GPR89A: variants seen among roughly 807,000 people sequenced by gnomAD.
GPR89A encodes golgi pH regulator A.
Under a neutral mutation model 52.0 loss-of-function variants are expected in GPR89A, and 16 were observed. That is an observed-to-expected ratio of 0.31 (90% CI 0.21 to 0.47). The LOEUF is 0.47. Among genes scored for constraint, GPR89A ranks in the 20% least tolerant of loss-of-function variants. GPR89A has a pLI of 1.00. For missense variants in GPR89A, 135 were observed against 449.4 expected, an observed-to-expected ratio of 0.30 and a Z score of 6.33; for synonymous variants, 55 against 150.9, an observed-to-expected ratio of 0.36 and a Z score of 4.66.
intron 1 of GPR89A, among the ~76,000 whole-genome samples, chr1:145,615,728 C>T (rs1366005173): frequency 1.4e-5 from 2 of 145,226 alleles, no homozygotes; most frequent in Admixed American, 1.4e-4. Context: ...CAGATTCAAG[C>T]GATTCTCATG....
intron 5 of GPR89A, among the ~76,000 whole-genome samples, chr1:145,626,094 C>A (rs756635122): frequency 6.6e-5 from 10 of 150,620 alleles, no homozygotes; most frequent in Admixed American, 5.3e-4. Flanking sequence ...ACAAAGGGAA[C>A]GACTTGCACT....
chr1:145,617,492 T>G (rs1553687259), intron 2 of GPR89A, among the ~76,000 whole-genome samples: 1 of 151,830 alleles, frequency 6.6e-6, no homozygotes, highest in East Asian at 1.9e-4. Flanking sequence ...ATTAAGAGAT[T>G]AAAGTAAGAC....
chr1:145,624,372 C>G (rs1197066428), intron 5 of GPR89A, among the ~76,000 whole-genome samples: 3 of 124,264 alleles, frequency 2.4e-5, no homozygotes, highest in Non-Finnish European at 4.9e-5. Flanking sequence ...ACAAAAGTAC[C>G]TCAGCTAACA....
At chr1:145,608,459 G>C (rs1288226442) in intron 1 of GPR89A, 11 of 624,184 alleles carry the variant, frequency 1.8e-5, no homozygotes, top group Middle Eastern at 4.4e-4. Context: ...GCTAAGAGCC[G>C]GCGCCGCCAG....
At chr1:145,629,830 C>T in intron 5 of GPR89A, among the ~76,000 whole-genome samples, 1 of 151,916 alleles carries the variant, frequency 6.6e-6, no homozygotes, top group Middle Eastern at 3.4e-3. Flanking sequence ...GGAATGGAGG[C>T]CAGTAGTCAG....
intron 12 of GPR89A, among the ~76,000 whole-genome samples, chr1:145,665,875 TCC>T (rs1652519192): frequency 6.7e-6 from 1 of 150,164 alleles, no homozygotes; most frequent in African/African-American, 2.5e-5. Context: ...ATGCCTGTAG[TCC>T]CAACTACTTG....
chr1:145,660,476 G>A (rs1467903152), intron 10 of GPR89A, among the ~76,000 whole-genome samples: 1 of 151,742 alleles, frequency 6.6e-6, no homozygotes, highest in African/African-American at 2.4e-5. Flanking sequence ...AAACTAAAGA[G>A]CTTCTGCACA....
intron 1 of GPR89A, among the ~76,000 whole-genome samples, chr1:145,614,750 T>C (rs1238415700): frequency 1.1e-4 from 16 of 152,164 alleles, no homozygotes; most frequent in African/African-American, 3.6e-4. Context: ...TTTATCTGCA[T>C]TTGGGAGGGC....
At chr1:145,656,019 A>T (rs1240863821) in intron 10 of GPR89A, among the ~76,000 whole-genome samples, 1 of 152,010 alleles carries the variant, frequency 6.6e-6, no homozygotes, top group African/African-American at 2.4e-5. Context: ...TCGCCTAGTG[A>T]GGAGGAATGG....
At chr1:145,654,561 A>AAAAC (rs1297323325) in intron 10 of GPR89A, among the ~76,000 whole-genome samples, 1 of 146,966 alleles carries the variant, frequency 6.8e-6, no homozygotes, top group East Asian at 2.0e-4. Context: ...TACAAAAAAA[A>AAAAC]AAAAAAAAAA....
At chr1:145,619,252 TAAAAAG>T (rs1267822255) in intron 3 of GPR89A, among the ~76,000 whole-genome samples, 4 of 145,920 alleles carry the variant, frequency 2.7e-5, no homozygotes, top group Admixed American at 6.8e-5. Flanking sequence ...AAATTTAAAT[TAAAAAG>T]AAAAACTTAC....
rs1420477769 is a variant in GPR89A at position 145,615,397 on chromosome 1, G to A, written c.43-837G>A. Among the ~76,000 whole-genome samples the A allele has an allele frequency of 9.9e-5, 15 of 151,886 alleles. No homozygotes were observed. The South Asian group carries it at 1.3e-3, about 13-fold the overall frequency. ...CTCACTCTGTTGCCCAGGCTGGAGC[G>A]CAGTGGTGCAATCATGGCTCACTGC... On this transcript the variant is annotated intron_variant, in intron 1 of 13. Coordinates refer to ENST00000313835, the MANE Select transcript of GPR89A (RefSeq NM_001097612.2).
intron 3 of GPR89A, among the ~76,000 whole-genome samples, chr1:145,619,350 C>T (rs1447483858): frequency 4.0e-5 from 6 of 149,050 alleles, no homozygotes; most frequent in African/African-American, 1.5e-4. Flanking sequence ...TGGCTCACGC[C>T]TATAATCCTA....
chr1:145,629,817 C>T (rs587728270), intron 5 of GPR89A, among the ~76,000 whole-genome samples: 1 of 151,998 alleles, frequency 6.6e-6, no homozygotes, highest in Admixed American at 6.6e-5. Context: ...AATAGAAAGA[C>T]TAGGAATGGA....
intron 1 of GPR89A, among the ~76,000 whole-genome samples, chr1:145,613,507 T>C (rs1559021117): frequency 1.3e-5 from 2 of 152,148 alleles, no homozygotes; most frequent in Non-Finnish European, 2.9e-5. Flanking sequence ...GACCATGCCA[T>C]TTCCCTGCTT....
chr1:145,611,113 T>C (rs1385174043), intron 1 of GPR89A, among the ~76,000 whole-genome samples: 1 of 152,104 alleles, frequency 6.6e-6, no homozygotes, highest in Non-Finnish European at 1.5e-5. Context: ...CTCTATAATC[T>C]TGCCAGAATT....
chr1:145,632,362 C>G (rs1453326747), intron 7 of GPR89A, among the ~76,000 whole-genome samples: 24 of 151,946 alleles, frequency 1.6e-4, no homozygotes, highest in Non-Finnish European at 2.5e-4. Context: ...TCCTCCTTGT[C>G]TAACTGAAGC....
intron 10 of GPR89A, among the ~76,000 whole-genome samples, chr1:145,655,168 C>T (rs587727711): frequency 2.6e-4 from 39 of 151,122 alleles, no homozygotes; most frequent in African/African-American, 8.0e-4. Flanking sequence ...CCTTTTTAAA[C>T]GGGTTATTCT....
At chr1:145,639,757 A>AG (rs1650507240) in intron 7 of GPR89A, among the ~76,000 whole-genome samples, 1 of 149,320 alleles carries the variant, frequency 6.7e-6, no homozygotes. Flanking sequence ...AAAAAAAAAA[A>AG]AAAGAAAAGA....
Sources: allele counts gnomAD v4.1 joint callset (sites outside exome capture counted in the v4.1 genomes callset), GRCh38; gene constraint gnomAD v4.1.1; transcripts MANE v1.5; gene names NCBI Gene and HGNC (gene_info 2026-07-23, HGNC 2026-07-21).